Variants in AKAP10 observed in about 807,000 individuals in gnomAD.
AKAP10 encodes the protein A-kinase anchor protein 10, mitochondrial.
Under a neutral mutation model 80.8 loss-of-function variants are expected in AKAP10, and 24 were observed. The observed-to-expected ratio is 0.30, with a 90% CI of 0.22 to 0.42. AKAP10 has a LOEUF of 0.42. Ranked by LOEUF, AKAP10 falls within the 10% of genes least tolerant of loss-of-function variation. The pLI, the probability that AKAP10 is intolerant of heterozygous loss-of-function variation, is 1.00. For missense variants in AKAP10, 661 were observed against 794.9 expected, an observed-to-expected ratio of 0.83 and a Z score of 2.03; for synonymous variants, 291 against 277.7, an observed-to-expected ratio of 1.05 and a Z score of -0.48.
intron 8 of AKAP10, among the ~76,000 whole-genome samples, chr17:19,936,747 T>C (rs552924010): frequency 2.6e-5 from 4 of 152,318 alleles, no homozygotes; most frequent in South Asian, 2.1e-4. Context: ...TATTTATGGG[T>C]ACCTATTCTC....
At chr17:19,976,764 C>T (rs530912186) in intron 1 of AKAP10, among the ~76,000 whole-genome samples, 4 of 152,206 alleles carry the variant, frequency 2.6e-5, no homozygotes, top group African/African-American at 9.6e-5. Context: ...GTGATCCACC[C>T]GCCAAGCCTC....
chr17:19,962,070 C>G (rs1206929604), intron 3 of AKAP10, among the ~76,000 whole-genome samples: 1 of 152,066 alleles, frequency 6.6e-6, no homozygotes, highest in African/African-American at 2.4e-5. Context: ...GAACCATGAT[C>G]ATACCACTGC....
At chr17:19,954,436 C>T (rs929176524) in intron 4 of AKAP10, among the ~76,000 whole-genome samples, 19 of 150,704 alleles carry the variant, frequency 1.3e-4, no homozygotes, top group African/African-American at 4.4e-4. Context: ...ACTTATACGA[C>T]ATTAACTCAA....
At chr17:19,916,072 AG>A (rs1178285745) in intron 12 of AKAP10, among the ~76,000 whole-genome samples, 1 of 152,050 alleles carries the variant, frequency 6.6e-6, no homozygotes, top group Non-Finnish European at 1.5e-5. Flanking sequence ...TGAGCTCTCT[AG>A]CTTCGGGCCT....
intron 12 of AKAP10, among the ~76,000 whole-genome samples, chr17:19,913,315 G>C (rs2042711459): frequency 6.6e-6 from 1 of 152,082 alleles, no homozygotes; most frequent in African/African-American, 2.4e-5. Context: ...ACCATGCCTG[G>C]CTAATTTTTT....
intron 5 of AKAP10, among the ~76,000 whole-genome samples, chr17:19,944,249 A>T (rs961875978): frequency 2.6e-5 from 4 of 152,036 alleles, no homozygotes; most frequent in Non-Finnish European, 5.9e-5. Flanking sequence ...CTGCCTCCAG[A>T]CTTCTTTCCT....
intron 8 of AKAP10, among the ~76,000 whole-genome samples, chr17:19,937,959 CA>C (rs891788704): frequency 1.3e-5 from 2 of 149,014 alleles, no homozygotes; most frequent in Non-Finnish European, 3.0e-5. Flanking sequence ...ATTTCTGAGA[CA>C]GGGGGACTGG....
intron 4 of AKAP10, among the ~76,000 whole-genome samples, chr17:19,957,419 G>A (rs1384513442): frequency 6.6e-6 from 1 of 152,028 alleles, no homozygotes; most frequent in Non-Finnish European, 1.5e-5. Context: ...GCAGGCGCCT[G>A]TAGTCCCAGC....
chr17:19,941,910 G>C lies in AKAP10; in HGVS notation c.977C>G (p.Ala326Gly), dbSNP rs1258265288. 4.0e-5 allele frequency: 65 copies of C among 1,608,760 alleles called. No homozygotes were observed. The highest frequency in any genetic ancestry group is 5.5e-5 in the Non-Finnish European group (65 of 1,177,654). ...CTGTCCATCTTCTCCACAAATCCTT[G>C]CTGCAAAAGAAGTTGTAAATAATTA... is the stretch of plus-strand genomic sequence containing the variant. The part of the protein sequence containing the change: ...ITEAMRNDII[A>G]RICGEDGQVD... Residue 326 changes from alanine (A) to glycine (G), a missense_variant and splice_region_variant, in exon 6 of 15, where the codon GCA (alanine) becomes GGA (glycine). By Grantham distance (60) the Ala-to-Gly change is moderately conservative. Transcript: ENST00000225737.
At chr17:19,919,919 G>GA in intron 12 of AKAP10, 117 bp downstream of exon 12, 1 of 786,506 alleles carries the variant, frequency 1.3e-6, no homozygotes, top group Non-Finnish European at 2.0e-6. Context: ...AACACAAGGT[G>GA]AAAGATACAG....
At chr17:19,946,871 C>A (rs2043138758) in intron 5 of AKAP10, among the ~76,000 whole-genome samples, 1 of 152,052 alleles carries the variant, frequency 6.6e-6, no homozygotes, top group South Asian at 2.1e-4. Flanking sequence ...AGGTAGACAT[C>A]CAGGGTGCCC....
At chr17:19,947,792 T>C (rs1203735461) in intron 4 of AKAP10, among the ~76,000 whole-genome samples, 4 of 152,210 alleles carry the variant, frequency 2.6e-5, no homozygotes, top group Non-Finnish European at 5.9e-5. Context: ...GAACAGGATC[T>C]ACTCTGAGGC....
At chr17:19,961,093 G>A (rs2043343412) in intron 3 of AKAP10, among the ~76,000 whole-genome samples, 2 of 151,022 alleles carry the variant, frequency 1.3e-5, no homozygotes, top group Admixed American at 1.3e-4. Context: ...CGTAATCCCA[G>A]CACTTTGGGA....
intron 4 of AKAP10, among the ~76,000 whole-genome samples, chr17:19,953,250 T>C (rs2043235774): frequency 6.6e-6 from 1 of 151,860 alleles, no homozygotes; most frequent in Admixed American, 6.6e-5. Flanking sequence ...GGGGTGTAAC[T>C]AAAGCAGTGG....
intron 1 of AKAP10, among the ~76,000 whole-genome samples, chr17:19,975,089 CAA>C (rs2043548283): frequency 6.6e-6 from 1 of 152,040 alleles, no homozygotes; most frequent in Admixed American, 6.6e-5. Context: ...TGTAGTGACT[CAA>C]ATATGGCTCA....
At chr17:19,920,601 G>T (rs879495134) in intron 11 of AKAP10, among the ~76,000 whole-genome samples, 17 of 152,102 alleles carry the variant, frequency 1.1e-4, no homozygotes, top group Non-Finnish European at 2.5e-4. Context: ...CCAGTACTTT[G>T]GGATGCCGAG....
At chr17:19,922,252 A>G (rs1375345332) in intron 11 of AKAP10, among the ~76,000 whole-genome samples, 5 of 152,164 alleles carry the variant, frequency 3.3e-5, no homozygotes, top group African/African-American at 1.2e-4. Context: ...GAACATCAAT[A>G]TATCAGTTTA....
intron 12 of AKAP10, among the ~76,000 whole-genome samples, chr17:19,917,783 C>T (rs2042762252): frequency 6.6e-6 from 1 of 151,930 alleles, no homozygotes; most frequent in Non-Finnish European, 1.5e-5. Flanking sequence ...ATTAGCCAGG[C>T]GTGGTGGCAG....
intron 10 of AKAP10, among the ~76,000 whole-genome samples, chr17:19,930,688 C>CA (rs2152412786): frequency 6.6e-6 from 1 of 151,958 alleles, no homozygotes; most frequent in Non-Finnish European, 1.5e-5. Context: ...CCAGCCTGAG[C>CA]AACACAGCAA....
Sources: gnomAD v4.1 joint callset for allele counts (sites outside exome capture counted in the v4.1 genomes callset) on GRCh38, gnomAD v4.1.1 for gene constraint, MANE v1.5 for transcripts, NCBI Gene and HGNC (gene_info 2026-07-23, HGNC 2026-07-21) for gene names.